The following NUMB variants were observed in gnomAD, a reference collection of about 807,000 sequenced individuals.
NUMB encodes the protein NUMB endocytic adaptor protein.
NUMB carries 29 observed loss-of-function variants against 59.7 expected under a neutral mutation model. That is an observed-to-expected ratio of 0.49 (90% CI 0.36 to 0.66). The LOEUF is 0.66. Among genes scored for constraint, NUMB ranks in the 30% least tolerant of loss-of-function variants. The pLI is 0.00. For synonymous variants in NUMB, 288 were observed against 288.2 expected (o/e 1.00, Z 0.01); for missense variants, 723 against 822.0 (o/e 0.88, Z 1.47).
intron 4 of NUMB, among the ~76,000 whole-genome samples, chr14:73,334,804 C>T (rs1043673173): frequency 1.3e-5 from 2 of 151,912 alleles, no homozygotes; most frequent in Non-Finnish European, 2.9e-5. Context: ...AAAAAATTAG[C>T]CAGGAGTGGT....
intron 4 of NUMB, among the ~76,000 whole-genome samples, chr14:73,328,387 T>C (rs1566744869): frequency 6.6e-6 from 1 of 152,200 alleles, no homozygotes; most frequent in Non-Finnish European, 1.5e-5. Context: ...CCAGTTGAAG[T>C]ATATCTTGGT....
chr14:73,402,620 A>T (rs951333724), intron 2 of NUMB, among the ~76,000 whole-genome samples: 1 of 152,162 alleles, frequency 6.6e-6, no homozygotes, highest in Non-Finnish European at 1.5e-5. Context: ...AGCACCTCCA[A>T]TGTATTAGGC....
rs146044797 is a variant in NUMB, at chr14:73,431,324, C to T, written c.-232-21256G>A. On this transcript the variant is annotated intron_variant, in intron 1 of 12. Coordinates refer to ENST00000555238, the MANE Select transcript of NUMB (RefSeq NM_001005743.2). ...AGGTTGGAGGGCACTGGCGCGATCTCGGCTCACTGCAACCTCTGCCTCCCG... is the reference window on the plus strand; with the variant it reads ...AGGTTGGAGGGCACTGGCGCGATCTTGGCTCACTGCAACCTCTGCCTCCCG... 4.6e-3 allele frequency among the ~76,000 whole-genome samples: 678 copies of T among 146,712 alleles called. 6 individuals are homozygous for T. The highest frequency in any genetic ancestry group is 0.03 in the South Asian group (134 of 4,502).
At chr14:73,370,392 A>G (rs2140053780) in intron 2 of NUMB, among the ~76,000 whole-genome samples, 1 of 152,320 alleles carries the variant, frequency 6.6e-6, no homozygotes, top group Admixed American at 6.5e-5. Context: ...ACAACAAACA[A>G]AAAAGTCAGT....
At chr14:73,455,689 ATACT>A (rs950717674) in intron 1 of NUMB, among the ~76,000 whole-genome samples, 30 of 152,178 alleles carry the variant, frequency 2.0e-4, no homozygotes, top group African/African-American at 6.8e-4. Context: ...AGGATAAGAA[ATACT>A]TAATATTTTT....
chr14:73,341,573 T>C lies in NUMB; in HGVS notation c.126+14053A>G, dbSNP rs138960970. The stretch of plus-strand genomic sequence containing the variant: ...GGTAGGAAAAGTGTTGATTGATTGA[T>C]TGATGAGGTCTGCTATGTTGCCGAG... On this transcript the variant is annotated intron_variant, in intron 4 of 12. Coordinates refer to ENST00000555238, the MANE Select transcript of NUMB (RefSeq NM_001005743.2). Among the ~76,000 whole-genome samples the C allele has an allele frequency of 5.9e-5, 9 of 152,244 alleles. No homozygotes were observed. In the East Asian group the frequency reaches 1.4e-3, roughly 23 times the overall value.
chr14:73,277,316 C>CAAAAG (rs747872926), intron 12 of NUMB, 23 bp from the exon 13 acceptor site: 107 of 1,547,622 alleles, frequency 6.9e-5, no homozygotes, highest in Non-Finnish European at 8.9e-5. Flanking sequence ...AGATGAGAGA[C>CAAAAG]AAAAGAATCA....
chr14:73,299,652 T>C (rs959469024), intron 6 of NUMB, among the ~76,000 whole-genome samples: 1 of 151,836 alleles, frequency 6.6e-6, no homozygotes, highest in Non-Finnish European at 1.5e-5. Flanking sequence ...CGGTTCTGTT[T>C]CTTTGGAGGA....
intron 1 of NUMB, among the ~76,000 whole-genome samples, chr14:73,430,812 G>C (rs1242077252): frequency 6.6e-6 from 1 of 151,972 alleles, no homozygotes; most frequent in African/African-American, 2.4e-5. Context: ...GGGTGTGGTG[G>C]CGGGCGCCTG....
Position 73,275,512 on chromosome 14 carries a change from C to T in NUMB, c.*1066G>A, listed in dbSNP as rs1302558314. The stretch of plus-strand genomic sequence containing the variant: ...ACCCACCAAGACCCATATTACAAAC[C>T]AATATGGTAACCTGTGTTCCCTTCT... On this transcript the variant is annotated 3_prime_UTR_variant, in exon 13 of 13. Coordinates refer to ENST00000555238, the MANE Select transcript of NUMB (RefSeq NM_001005743.2). 1.3e-5 allele frequency: 2 copies of T among 151,874 alleles called. No homozygotes were observed. Among genetic ancestry groups the T allele is most frequent in the African/African-American group, 2.4e-5 (1 of 41,324 alleles). The allele number at this position is 151,874 out of a possible 1,614,324, so 9.4% of individuals were successfully genotyped here.
intron 5 of NUMB, among the ~76,000 whole-genome samples, chr14:73,320,709 T>C (rs1891356107): frequency 6.6e-6 from 1 of 152,182 alleles, no homozygotes; most frequent in African/African-American, 2.4e-5. Flanking sequence ...TCTAGAAGTA[T>C]TTTTTGAGTT....
chr14:73,322,403 G>A (rs192714711), intron 5 of NUMB, among the ~76,000 whole-genome samples: 123 of 152,308 alleles, frequency 8.1e-4, no homozygotes, highest in African/African-American at 2.7e-3. Context: ...TCCTGGGAAA[G>A]GGCTCTCTAC....
At chr14:73,374,107 T>C (rs1328615471) in intron 2 of NUMB, among the ~76,000 whole-genome samples, 2 of 152,108 alleles carry the variant, frequency 1.3e-5, no homozygotes, top group East Asian at 3.9e-4. Context: ...TGACCTTAGG[T>C]GATCCGCCCA....
At chr14:73,316,336 A>G in intron 6 of NUMB, 54 bp downstream of exon 6, 3 of 1,490,788 alleles carry the variant, frequency 2.0e-6, no homozygotes, top group Non-Finnish European at 2.8e-6. Flanking sequence ...TGTCAGTGCT[A>G]CACTAGGGGT....
At chr14:73,334,359 A>AGTT (rs1238791940) in intron 4 of NUMB, among the ~76,000 whole-genome samples, 1 of 152,060 alleles carries the variant, frequency 6.6e-6, no homozygotes, top group African/African-American at 2.4e-5. Context: ...ATCTTTATTA[A>AGTT]GTTGTTGTAG....
intron 2 of NUMB, among the ~76,000 whole-genome samples, chr14:73,373,725 T>TTA (rs1894813282): frequency 6.9e-6 from 1 of 145,794 alleles, no homozygotes; most frequent in Non-Finnish European, 1.5e-5. Context: ...TTTTTTTTTT[T>TTA]AAAGACAGGG....
chr14:73,310,527 T>C (rs1047422658), intron 6 of NUMB, among the ~76,000 whole-genome samples: 7 of 152,224 alleles, frequency 4.6e-5, no homozygotes, highest in African/African-American at 1.7e-4. Context: ...GGAATGCTTT[T>C]TGAATGACAG....
chr14:73,441,090 G>A (rs577219484), intron 1 of NUMB, among the ~76,000 whole-genome samples: 2 of 151,988 alleles, frequency 1.3e-5, no homozygotes, highest in African/African-American at 4.8e-5. Context: ...AATATATAAA[G>A]AAAACATATA....
intron 3 of NUMB, among the ~76,000 whole-genome samples, chr14:73,359,546 T>G (rs1430343768): frequency 6.6e-6 from 1 of 152,190 alleles, no homozygotes; most frequent in East Asian, 1.9e-4. Flanking sequence ...AACATCTTGA[T>G]GAAAAAGGGC....
Sources: allele counts gnomAD v4.1 joint callset (sites outside exome capture counted in the v4.1 genomes callset), GRCh38; gene constraint gnomAD v4.1.1; transcripts MANE v1.5; gene names NCBI Gene and HGNC (gene_info 2026-07-23, HGNC 2026-07-21).